MTUS2: variants seen among roughly 807,000 people sequenced by gnomAD.
MTUS2 encodes the protein microtubule-associated tumor suppressor candidate 2.
MTUS2 carries 40 observed loss-of-function variants against 114.1 expected under a neutral mutation model. That is an observed-to-expected ratio of 0.35 (90% CI 0.27 to 0.46). The LOEUF (loss-of-function observed/expected upper bound fraction) is 0.46. Ranked by LOEUF, MTUS2 falls within the 20% of genes least tolerant of loss-of-function variation. The pLI, the probability that MTUS2 is intolerant of heterozygous loss-of-function variation, is 1.00. For synonymous variants in MTUS2, 688 were observed against 672.0 expected, an observed-to-expected ratio of 1.02 and a Z score of -0.37; for missense variants, 1,679 against 1,705.4, an observed-to-expected ratio of 0.98 and a Z score of 0.27.
At chr13:29,116,063 T>C (rs1366127919) in intron 5 of MTUS2, among the ~76,000 whole-genome samples, 2 of 152,204 alleles carry the variant, frequency 1.3e-5, no homozygotes, top group Admixed American at 6.5e-5. Flanking sequence ...ACCTGGAGCA[T>C]ACCGAGACAT....
intron 2 of MTUS2, among the ~76,000 whole-genome samples, chr13:28,855,579 C>T (rs1876572697): frequency 6.6e-6 from 1 of 152,106 alleles, no homozygotes; most frequent in Non-Finnish European, 1.5e-5. Context: ...CCAGCTCCAC[C>T]CATGTCCCTG....
intron 5 of MTUS2, among the ~76,000 whole-genome samples, chr13:29,124,825 C>A (rs1891450210): frequency 6.6e-6 from 1 of 152,122 alleles, no homozygotes; most frequent in African/African-American, 2.4e-5. Context: ...TGAAATAAGC[C>A]AGACACAAAG....
At chr13:29,453,963 T>C (rs959517238) in intron 9 of MTUS2, among the ~76,000 whole-genome samples, 28 of 152,302 alleles carry the variant, frequency 1.8e-4, no homozygotes, top group African/African-American at 6.7e-4. Flanking sequence ...AGGGCCATGG[T>C]TAGGTATTAA....
intron 8 of MTUS2, among the ~76,000 whole-genome samples, chr13:29,424,755 CAA>C (rs897522803): frequency 6.6e-6 from 1 of 151,948 alleles, no homozygotes; most frequent in Admixed American, 6.6e-5. Context: ...TACAAAGAAA[CAA>C]AGAGGCAAAT....
chr13:29,428,488 G>C (rs908312368), intron 8 of MTUS2: 19 of 295,946 alleles, frequency 6.4e-5, no homozygotes, highest in Non-Finnish European at 1.1e-4. Context: ...TCCTTTTAGG[G>C]AGCCGGCATT....
chr13:29,016,198 T>C (rs7992143), intron 2 of MTUS2, among the ~76,000 whole-genome samples: 148,327 of 152,272 alleles, frequency 0.97, 72,369 homozygotes, highest in Middle Eastern at 1. Context: ...CCACCATGCC[T>C]GGCCAATTCA....
intron 9 of MTUS2, among the ~76,000 whole-genome samples, chr13:29,471,192 A>C (rs954573521): frequency 6.6e-6 from 1 of 151,678 alleles, no homozygotes; most frequent in African/African-American, 2.4e-5. Context: ...AAAATACACA[A>C]ATTAGCTGGG....
At chr13:29,412,426 G>T (rs990117663) in intron 8 of MTUS2, among the ~76,000 whole-genome samples, 1 of 151,998 alleles carries the variant, frequency 6.6e-6, no homozygotes, top group Non-Finnish European at 1.5e-5. Flanking sequence ...GTCCCAATTG[G>T]TCACAATGTA....
intron 6 of MTUS2, among the ~76,000 whole-genome samples, chr13:29,318,768 T>G (rs1196418860): frequency 6.6e-6 from 1 of 152,166 alleles, no homozygotes; most frequent in Non-Finnish European, 1.5e-5. Context: ...AACTGAGCTT[T>G]TACACTCTCC....
intron 7 of MTUS2, among the ~76,000 whole-genome samples, chr13:29,357,016 G>A (rs1167684849): frequency 3.3e-5 from 5 of 152,204 alleles, no homozygotes; most frequent in African/African-American, 9.7e-5. Flanking sequence ...AGAAGAAGAG[G>A]TGAGCTTTTT....
chr13:29,303,713 T>C (rs1227646271), intron 6 of MTUS2, among the ~76,000 whole-genome samples: 1 of 152,156 alleles, frequency 6.6e-6, no homozygotes, highest in East Asian at 1.9e-4. Context: ...GAAAACATAC[T>C]GCAGGATATC....
chr13:28,946,472 T>C (rs1490575208), intron 2 of MTUS2, among the ~76,000 whole-genome samples: 2 of 152,164 alleles, frequency 1.3e-5, no homozygotes, highest in African/African-American at 4.8e-5. Flanking sequence ...CATAGGTGTT[T>C]GAGGGAGATG....
chr13:28,850,284 C>G (rs536334900), intron 2 of MTUS2, among the ~76,000 whole-genome samples: 2 of 152,348 alleles, frequency 1.3e-5, no homozygotes, highest in South Asian at 4.1e-4. Context: ...ACATTCCCCT[C>G]TGTATAGGGC....
Position 28,913,154 on chromosome 13 carries a change from A to G in MTUS2, c.-243+73304A>G, listed in dbSNP as rs539756663. ...GCCAGAACTTCCAACACTATGTTGAATAGCAGTGGTGAGAGAAGGCATCCT... is the reference window on the plus strand; with the variant it reads ...GCCAGAACTTCCAACACTATGTTGAGTAGCAGTGGTGAGAGAAGGCATCCT... On this transcript the variant is annotated intron_variant, in intron 2 of 15. Coordinates refer to ENST00000612955, the MANE Select transcript of MTUS2 (RefSeq NM_001033602.4). Among the ~76,000 whole-genome samples, 15 of 152,200 alleles carry G rather than the reference A, an allele frequency of 9.9e-5. No homozygotes were observed. In the South Asian group the frequency reaches 1.0e-3, roughly 10 times the overall value.
chr13:29,208,781 G>C (rs949107374), intron 5 of MTUS2, among the ~76,000 whole-genome samples: 13 of 152,018 alleles, frequency 8.6e-5, no homozygotes, highest in Admixed American at 8.5e-4. Flanking sequence ...TTATTCCACT[G>C]TGGTCTGAGA....
chr13:29,487,817 C>T, intron 10 of MTUS2, 83 bp from the exon 11 acceptor site: 2 of 1,065,588 alleles, frequency 1.9e-6, no homozygotes, highest in East Asian at 2.4e-5. Flanking sequence ...TGTTTTGGGT[C>T]ACGGACCTTT....
intron 5 of MTUS2, among the ~76,000 whole-genome samples, chr13:29,138,166 T>C (rs536315669): frequency 1.3e-5 from 2 of 152,276 alleles, no homozygotes; most frequent in East Asian, 3.9e-4. Context: ...AGCTGCCTGC[T>C]GTGGGACTGG....
chr13:28,829,183 C>CT (rs1196624867), intron 1 of MTUS2, among the ~76,000 whole-genome samples: 5 of 152,132 alleles, frequency 3.3e-5, no homozygotes, highest in Non-Finnish European at 7.4e-5. Flanking sequence ...CATTTTTAAA[C>CT]TTACCTTATT....
intron 2 of MTUS2, among the ~76,000 whole-genome samples, chr13:28,896,688 T>C (rs1168645582): frequency 6.6e-6 from 1 of 152,208 alleles, no homozygotes; most frequent in Non-Finnish European, 1.5e-5. Flanking sequence ...AGCATGGTAC[T>C]GGTACCAAAA....
Sources: allele counts gnomAD v4.1 joint callset (sites outside exome capture counted in the v4.1 genomes callset), GRCh38; gene constraint gnomAD v4.1.1; transcripts MANE v1.5; gene names NCBI Gene and HGNC (gene_info 2026-07-23, HGNC 2026-07-21).